NPEPL1: variants seen among roughly 807,000 people sequenced by gnomAD.
NPEPL1 encodes aminopeptidase like 1.
NPEPL1 carries 45 observed loss-of-function variants against 52.4 expected under a neutral mutation model. The ratio of observed to expected loss-of-function variants is 0.86; its 90% CI spans 0.68 to 1.10. The LOEUF is 1.10. Ranked by LOEUF, NPEPL1 falls within the 50% of genes least tolerant of loss-of-function variation. The pLI, the probability that NPEPL1 is intolerant of heterozygous loss-of-function variation, is 0.00. For synonymous variants in NPEPL1, 360 were observed against 314.7 expected, an observed-to-expected ratio of 1.14 and a Z score of -1.52; for missense variants, 696 against 710.9, an observed-to-expected ratio of 0.98 and a Z score of 0.24.
Position 58,700,989 on chromosome 20 carries a change from A to G in NPEPL1, c.680-27A>G, listed in dbSNP as rs556081703. ...CCCCGCTCAGCTCAGCCCGAGCCTA[A>G]CCCAGTTCTCCCCACGCTTTCCATA... On this transcript the variant is annotated intron_variant, in intron 5 of 11. Transcript: ENST00000356091. 142 of 1,533,850 alleles carry G rather than the reference A, an allele frequency of 9.3e-5. 1 individual carries two copies. In the Admixed American group the frequency reaches 1.6e-3, roughly 17 times the overall value.
At chr20:58,700,991 C>A in intron 5 of NPEPL1, 25 bp from the exon 6 acceptor site, 1 of 1,536,782 alleles carries the variant, frequency 6.5e-7, no homozygotes, top group East Asian at 2.5e-5. Flanking sequence ...CGAGCCTAAC[C>A]CAGTTCTCCC....
chr20:58,694,637 A>T (rs1272435114), intron 3 of NPEPL1, 45 bp downstream of exon 3: 2 of 1,552,824 alleles, frequency 1.3e-6, no homozygotes, highest in Non-Finnish European at 1.7e-6. Context: ...CCCGGGCAAG[A>T]TCGGGCAGGT....
Position 58,713,735 on chromosome 20 carries a change from C to T in NPEPL1, c.1126-182C>T, listed in dbSNP as rs184757593. On this transcript the variant is annotated intron_variant, in intron 9 of 11. Transcript: ENST00000356091. This position sits in a 1 kb window ranked among gnomAD's most constrained non-coding sequence, Gnocchi z 4.6. ...CCGAGGCCCAGGCTGGATGCAGAGC[C>T]GGGAACCGCCTCCTGTGTGCTTCAT... 1.5e-3 allele frequency: 1,564 copies of T among 1,054,030 alleles called. 14 individuals are homozygous for T. In the African/African-American group the frequency reaches 0.022, roughly 15 times the overall value. The allele number at this position is 1,054,030 out of a possible 1,614,324, so 65.3% of individuals were successfully genotyped here. A position where few individuals can be genotyped will look rare whatever the true frequency, so the allele number is the denominator to read the frequency against.
Position 58,715,266 on chromosome 20 carries a change from T to G in NPEPL1, c.1512T>G (p.Cys504Trp), listed in dbSNP as rs199778415. The change falls in exon 12 of 12, where the codon TGT becomes TGG. Residue 504 changes from cysteine to tryptophan, a missense_variant. Transcript: ENST00000356091. The stretch of plus-strand genomic sequence containing the variant: ...TGAACCTGGTGTCCCCACTGGGCTG[T>G]GAGGTGGATGTCGAGGAGGGGGACC... ...PLLNLVSPLGCEVDVEEGDLG... is the reference protein window; with the variant it reads ...PLLNLVSPLGWEVDVEEGDLG... The G allele has an allele frequency of 4.8e-5, 78 of 1,610,810 alleles. No individual in the cohort carries two copies. The East Asian group carries it at 1.6e-3, about 32-fold the overall frequency.
chr20:58,712,824 G>T (rs2084880419), intron 8 of NPEPL1: 1 of 617,230 alleles, frequency 1.6e-6, no homozygotes, highest in Non-Finnish European at 3.0e-6. Flanking sequence ...GGAGCTCGTG[G>T]TCTACCCTGC....
At chr20:58,691,461 C>G (rs1481114490), upstream of NPEPL1, 1 of 625,900 alleles carries the variant, frequency 1.6e-6, no homozygotes, top group Admixed American at 2.3e-5. Flanking sequence ...TCAAAAAGAC[C>G]TGCCTTCAGG....
chr20:58,690,747 G>T (rs898639203), upstream of NPEPL1, among the ~76,000 whole-genome samples: 1 of 152,144 alleles, frequency 6.6e-6, no homozygotes, highest in Non-Finnish European at 1.5e-5. Context: ...GACTGTCAGG[G>T]TTATTCAGTC....
chr20:58,695,232 GTGTA>G (rs796702149), intron 3 of NPEPL1, among the ~76,000 whole-genome samples: 2 of 5,210 alleles, frequency 3.8e-4, no homozygotes, highest in East Asian at 4.4e-3. Context: ...GTGTTGCTGT[GTGTA>G]TGAGTGCTGG....
At chr20:58,706,588 G>A (rs1010105723) in intron 6 of NPEPL1, among the ~76,000 whole-genome samples, 4 of 152,286 alleles carry the variant, frequency 2.6e-5, no homozygotes, top group African/African-American at 9.6e-5. Flanking sequence ...CAGGAAGCAC[G>A]CAAGCCCACC....
At chr20:58,695,622 C>T (rs1339691156) in intron 3 of NPEPL1, among the ~76,000 whole-genome samples, 1 of 152,172 alleles carries the variant, frequency 6.6e-6, no homozygotes. Context: ...TTCACCCAGG[C>T]AAGCTCTCCC....
Position 58,701,116 on chromosome 20 carries a change from A to G in NPEPL1, c.780A>G (p.Lys260=). ...GATQTIAWVG[K]GIVYDTGGLS... ...CGCAGACCATCGCCTGGGTGGGCAA[A>G]GGCATCGTCTATGACACTGGAGGCC... The change falls in exon 6 of 12, where the codon AAA becomes AAG. Residue 260 remains lysine (K), a synonymous_variant. Coordinates refer to ENST00000356091, the MANE Select transcript of NPEPL1 (RefSeq NM_024663.4). 1 of 1,588,912 alleles carries G rather than the reference A, an allele frequency of 6.3e-7. No homozygotes were observed. Among genetic ancestry groups the G allele is most frequent in the Non-Finnish European group, 8.6e-7 (1 of 1,168,610 alleles).
At chr20:58,703,468 C>T (rs911806188) in intron 6 of NPEPL1, 30 of 978,762 alleles carry the variant, frequency 3.1e-5, no homozygotes, top group Middle Eastern at 5.2e-4. Flanking sequence ...CTCCCACCCT[C>T]GCACGCACCC....
intron 7 of NPEPL1, among the ~76,000 whole-genome samples, chr20:58,712,041 G>A (rs961408826): frequency 3.9e-5 from 6 of 152,206 alleles, no homozygotes; most frequent in Non-Finnish European, 2.9e-5. Flanking sequence ...ATGACTTTTG[G>A]CATCAGAAAG....
rs546171738 is a variant in NPEPL1, at chr20:58,706,328, T to A, written c.823-795T>A. 2.0e-5 allele frequency among the ~76,000 whole-genome samples: 3 copies of A among 152,196 alleles called. No individual in the cohort carries two copies. The South Asian group carries it at 6.2e-4, about 32-fold the overall frequency. On this transcript the variant is annotated intron_variant, in intron 6 of 11. Coordinates refer to ENST00000356091, the MANE Select transcript of NPEPL1 (RefSeq NM_024663.4). ...ACAGGTGTCCTCACTGCTGGTGGTG[T>A]CAGTGGGGGTGGATGTGACTGATTT...
At position 58,715,212 on chromosome 20, in the gene NPEPL1, C is replaced by T. The variant is rs760587548; in HGVS notation, c.1458C>T (p.Leu486=). 3 of 1,608,218 alleles carry T rather than the reference C, an allele frequency of 1.9e-6. No homozygotes were observed. Among genetic ancestry groups the T allele is most frequent in the South Asian group, 2.2e-5 (2 of 90,138 alleles). Residue 486 remains leucine (L), a synonymous_variant, in exon 12 of 12, where the codon CTC becomes CTT. Coordinates refer to ENST00000356091, the MANE Select transcript of NPEPL1 (RefSeq NM_024663.4). ...TGFGVALLLA[L]FGRASEDPLL... The stretch of plus-strand genomic sequence containing the variant: ...TCGGTGTGGCCCTCCTGCTGGCGCT[C>T]TTCGGCCGTGCCTCTGAGGACCCTC...
chr20:58,714,235 G>A (rs1379902522), intron 10 of NPEPL1, 142 bp downstream of exon 10: 18 of 892,890 alleles, frequency 2.0e-5, no homozygotes, highest in Non-Finnish European at 2.8e-5. Context: ...TGAGAGGCAG[G>A]CGTCAGGGCA....
At chr20:58,702,542 T>C (rs1293100601) in intron 6 of NPEPL1, among the ~76,000 whole-genome samples, 2 of 152,222 alleles carry the variant, frequency 1.3e-5, no homozygotes, top group Non-Finnish European at 2.9e-5. Flanking sequence ...TTTTGTTTTT[T>C]TTTAATAGAA....
At chr20:58,689,921 A>G (rs2084319524), upstream of NPEPL1, among the ~76,000 whole-genome samples, 1 of 152,234 alleles carries the variant, frequency 6.6e-6, no homozygotes, top group South Asian at 2.1e-4. Flanking sequence ...AAATGAATGA[A>G]TGAATGAAAA....
chr20:58,703,390 A>T, intron 6 of NPEPL1: 1 of 849,250 alleles, frequency 1.2e-6, no homozygotes, highest in Non-Finnish European at 1.4e-6. Flanking sequence ...ACTGACTTCT[A>T]GTCGGTTATG....
Sources: allele counts gnomAD v4.1 joint callset (sites outside exome capture counted in the v4.1 genomes callset), GRCh38; gene constraint gnomAD v4.1.1; non-coding constraint Gnocchi (gnomAD v3.1); transcripts MANE v1.5; gene names NCBI Gene and HGNC (gene_info 2026-07-23, HGNC 2026-07-21).